The following SLCO2B1 variants were observed in gnomAD, a reference collection of about 807,000 sequenced individuals.
SLCO2B1 encodes OATP-RP2.
A neutral mutation model predicts 67.3 loss-of-function variants in SLCO2B1; 41 were observed. That is an observed-to-expected ratio of 0.61 (90% CI 0.47 to 0.79). The LOEUF is 0.79. Among genes scored for constraint, SLCO2B1 ranks in the 30% least tolerant of loss-of-function variants. The pLI is 0.00. For synonymous variants in SLCO2B1, 379 were observed against 381.4 expected, an observed-to-expected ratio of 0.99 and a Z score of 0.07; for missense variants, 837 against 920.1, an observed-to-expected ratio of 0.91 and a Z score of 1.17.
chr11:75,169,603 C>A lies in SLCO2B1; in HGVS notation c.683-63C>A, dbSNP rs1358856924. 8 of 1,419,972 alleles carry A rather than the reference C, an allele frequency of 5.6e-6. No homozygotes were observed. In the South Asian group the frequency reaches 6.3e-5, roughly 11 times the overall value. The allele number at this position is 1,419,972 out of a possible 1,614,324, so 88.0% of individuals were successfully genotyped here. On this transcript the variant is annotated intron_variant, in intron 5 of 13. Coordinates refer to ENST00000289575, the MANE Select transcript of SLCO2B1 (RefSeq NM_007256.5). ...GTGTTCTTGCCCATCAGAGACTGGG[C>A]AAGCACTGGTCTGCAGAGGGAAGCC...
At chr11:75,167,549 C>T (rs1949907807) in intron 4 of SLCO2B1, among the ~76,000 whole-genome samples, 10 of 152,168 alleles carry the variant, frequency 6.6e-5, no homozygotes, top group Admixed American at 6.5e-4. Flanking sequence ...ATTCCACTCA[C>T]TTATTCTTCA....
intron 7 of SLCO2B1, among the ~76,000 whole-genome samples, chr11:75,187,158 G>C (rs1407733959): frequency 6.6e-6 from 1 of 152,218 alleles, no homozygotes; most frequent in Non-Finnish European, 1.5e-5. Context: ...GTTTCGGTAA[G>C]TTATGCATTA....
chr11:75,202,687 G>A lies in SLCO2B1; in HGVS notation c.1764-214G>A, dbSNP rs974199061. ...GGTCAGCACAGGACCCTGATGGTCAGTGGGTGTGTTGTCTTGTATATGGGA... is the reference window on the plus strand; with the variant it reads ...GGTCAGCACAGGACCCTGATGGTCAATGGGTGTGTTGTCTTGTATATGGGA... On this transcript the variant is annotated intron_variant, in intron 11 of 13. Coordinates refer to ENST00000289575, the MANE Select transcript of SLCO2B1 (RefSeq NM_007256.5). The A allele has an allele frequency of 1.8e-5, 11 of 595,324 alleles. No individual in the cohort carries two copies. The East Asian group carries it at 3.1e-4, about 17-fold the overall frequency. The allele number at this position is 595,324 out of a possible 1,614,324, so 36.9% of individuals were successfully genotyped here.
At chr11:75,181,296 G>A (rs1296061333) in intron 7 of SLCO2B1, among the ~76,000 whole-genome samples, 1 of 151,520 alleles carries the variant, frequency 6.6e-6, no homozygotes, top group Non-Finnish European at 1.5e-5. Flanking sequence ...CTTGAACCCG[G>A]GAGGTGGAGG....
chr11:75,188,040 T>A, intron 7 of SLCO2B1, 96 bp from the exon 8 acceptor site: 1 of 746,446 alleles, frequency 1.3e-6, no homozygotes, highest in South Asian at 1.7e-5. Flanking sequence ...GCTCTCACCC[T>A]CTCCTCTCCA....
chr11:75,172,575 C>T lies in SLCO2B1; in HGVS notation c.972+6C>T, dbSNP rs987619022. On this transcript the variant is annotated splice_donor_region_variant and intron_variant, in intron 7 of 13. Coordinates refer to ENST00000289575, the MANE Select transcript of SLCO2B1 (RefSeq NM_007256.5). Reference sequence around the variant, plus strand: ...CAGACTCACCTGCCAGGAAGGTAAGCTCCCTCCATGTCACCTGACTGGGTC... The same window carrying T: ...CAGACTCACCTGCCAGGAAGGTAAGTTCCCTCCATGTCACCTGACTGGGTC... 1.2e-6 allele frequency: 2 copies of T among 1,611,774 alleles called. No homozygotes were observed. The highest frequency in any genetic ancestry group is 1.7e-6 in the Non-Finnish European group (2 of 1,178,466).
rs1325824391 is a variant in SLCO2B1 at position 75,203,058 on chromosome 11, A to G, written c.1828+93A>G. On this transcript the variant is annotated intron_variant, in intron 12 of 13. Transcript: ENST00000289575. ...GGGGCACAGGCATGAGCGGAATTCA[A>G]TCCCTGATCTTAGGGCTCACAAGCT... 3.9e-6 allele frequency: 5 copies of G among 1,270,254 alleles called. No individual in the cohort carries two copies. The South Asian group carries it at 4.7e-5, about 12-fold the overall frequency. 78.7% of individuals were successfully genotyped at this position (1,270,254 alleles called of 1,614,324 possible).
chr11:75,153,339 G>A (rs1949713138), intron 1 of SLCO2B1, among the ~76,000 whole-genome samples: 1 of 152,166 alleles, frequency 6.6e-6, no homozygotes, highest in Non-Finnish European at 1.5e-5. Context: ...CCATTCTAGG[G>A]CAGACAGGTG....
intron 2 of SLCO2B1, 101 bp downstream of exon 2, chr11:75,162,886 T>C: frequency 7.3e-7 from 1 of 1,369,734 alleles, no homozygotes; most frequent in East Asian, 2.3e-5. Context: ...GAGCCTCGGT[T>C]TCCTCATCTA....
rs554890013 is a variant in SLCO2B1 at position 75,164,561 on chromosome 11, C to T, written c.285+461C>T. On this transcript the variant is annotated intron_variant, in intron 3 of 13. Coordinates refer to ENST00000289575, the MANE Select transcript of SLCO2B1 (RefSeq NM_007256.5). ...TAGAACTGCCTGGGGATTCACAGGC[C>T]TGTGGGGCCCGCAGCCAAGCAGGGA... Among the ~76,000 whole-genome samples, 126 of 152,136 alleles carry T rather than the reference C, an allele frequency of 8.3e-4. 1 individual carries two copies. The highest frequency in any genetic ancestry group is 2.8e-3 in the African/African-American group (117 of 41,516).
At chr11:75,173,871 C>T (rs1030225634) in intron 7 of SLCO2B1, among the ~76,000 whole-genome samples, 4 of 152,324 alleles carry the variant, frequency 2.6e-5, no homozygotes, top group East Asian at 1.9e-4. Flanking sequence ...GGCTAGATCT[C>T]GGCTCACCAC....
chr11:75,183,638 C>A (rs1255132176), intron 7 of SLCO2B1, among the ~76,000 whole-genome samples: 3 of 152,148 alleles, frequency 2.0e-5, no homozygotes, highest in South Asian at 2.1e-4. Flanking sequence ...GATGCTTCCA[C>A]CTGAGCCTCT....
chr11:75,189,528 T>C (rs369288522), intron 8 of SLCO2B1, among the ~76,000 whole-genome samples: 1 of 152,188 alleles, frequency 6.6e-6, no homozygotes, highest in East Asian at 1.9e-4. Context: ...GACCATGCCC[T>C]AGGATAGTAA....
chr11:75,195,492 C>A (rs1409020314), intron 9 of SLCO2B1, among the ~76,000 whole-genome samples: 1 of 152,120 alleles, frequency 6.6e-6, no homozygotes, highest in Non-Finnish European at 1.5e-5. Flanking sequence ...TGCCCCCTCA[C>A]CCCAGGGAGG....
At chr11:75,178,051 A>G (rs1950046231) in intron 7 of SLCO2B1, among the ~76,000 whole-genome samples, 1 of 150,856 alleles carries the variant, frequency 6.6e-6, no homozygotes, top group Admixed American at 6.7e-5. Flanking sequence ...CCGAGATTAC[A>G]TCACTGCACT....
intron 10 of SLCO2B1, among the ~76,000 whole-genome samples, chr11:75,197,722 T>C (rs776365496): frequency 2.0e-5 from 3 of 152,134 alleles, no homozygotes; most frequent in Non-Finnish European, 2.9e-5. Flanking sequence ...AGTCAGTCAG[T>C]CAGTCAACAA....
chr11:75,177,175 T>TACACACAAACACAC (rs1555140283), intron 7 of SLCO2B1, among the ~76,000 whole-genome samples: 2 of 149,576 alleles, frequency 1.3e-5, no homozygotes, highest in African/African-American at 4.9e-5. Context: ...TCCACCCCTC[T>TACACACAAACACAC]ACACACACAC....
At chr11:75,182,795 G>A (rs1035357908) in intron 7 of SLCO2B1, among the ~76,000 whole-genome samples, 9 of 151,924 alleles carry the variant, frequency 5.9e-5, no homozygotes, top group South Asian at 2.1e-4. Flanking sequence ...GGGAGCAGAC[G>A]ACATTGTGGT....
At chr11:75,186,080 C>G (rs868230259) in intron 7 of SLCO2B1, among the ~76,000 whole-genome samples, 2 of 152,106 alleles carry the variant, frequency 1.3e-5, no homozygotes, top group Non-Finnish European at 2.9e-5. Flanking sequence ...ATTTTCCTAC[C>G]CCTCAGTCAA....
Sources: gnomAD v4.1 joint callset for allele counts (sites outside exome capture counted in the v4.1 genomes callset) on GRCh38, gnomAD v4.1.1 for gene constraint, MANE v1.5 for transcripts, NCBI Gene and HGNC (gene_info 2026-07-23, HGNC 2026-07-21) for gene names.